The following ANGPTL5 variants were observed in gnomAD, a reference collection of about 807,000 sequenced individuals.
ANGPTL5 encodes angiopoietin-related protein 5.
Under a neutral mutation model 39.4 loss-of-function variants are expected in ANGPTL5, and 34 were observed. The ratio of observed to expected loss-of-function variants is 0.86; its 90% confidence interval spans 0.66 to 1.15. ANGPTL5 has a LOEUF of 1.15. ANGPTL5 is among the 50% of genes most tolerant of loss of function. The probability of loss-of-function intolerance (pLI) is 0.00; values close to 1 mark genes in which losing one functional copy is unlikely to be tolerated. For synonymous variants in ANGPTL5, 146 were observed against 152.1 expected, an observed-to-expected ratio of 0.96 and a Z score of 0.29; for missense variants, 467 against 457.5, an observed-to-expected ratio of 1.02 and a Z score of -0.19.
chr11:101,901,328 T>G (rs1488863952), intron 6 of ANGPTL5, among the ~76,000 whole-genome samples: 2 of 152,060 alleles, frequency 1.3e-5, no homozygotes, highest in African/African-American at 4.8e-5. Context: ...GGGGTGTGTG[T>G]GCACGGCTAA....
chr11:101,893,880 G>T (rs576838567), intron 8 of ANGPTL5, among the ~76,000 whole-genome samples: 30 of 152,190 alleles, frequency 2.0e-4, no homozygotes, highest in African/African-American at 7.2e-4. Context: ...AAGCTGCTCT[G>T]TTTGTCAGCC....
At chr11:101,901,492 C>A (rs1404095962) in intron 6 of ANGPTL5, among the ~76,000 whole-genome samples, 1 of 152,016 alleles carries the variant, frequency 6.6e-6, no homozygotes, top group African/African-American at 2.4e-5. Context: ...CTAAAAGGAC[C>A]TCTGTAGGGC....
intron 1 of ANGPTL5, among the ~76,000 whole-genome samples, chr11:101,912,578 A>G (rs1287169934): frequency 2.6e-5 from 4 of 152,356 alleles, no homozygotes; most frequent in South Asian, 4.1e-4. Context: ...TTAAAGGTCG[A>G]AAAAACCTAT....
At chr11:101,893,066 C>G (rs1311456723) in intron 8 of ANGPTL5, among the ~76,000 whole-genome samples, 1 of 152,168 alleles carries the variant, frequency 6.6e-6, no homozygotes, top group Non-Finnish European at 1.5e-5. Context: ...CATGGATACT[C>G]TCCCTAGATA....
At chr11:101,894,835 T>G (rs1939762573) in intron 8 of ANGPTL5, 44 bp downstream of exon 8, 1 of 1,506,844 alleles carries the variant, frequency 6.6e-7, no homozygotes, top group Admixed American at 1.7e-5. Flanking sequence ...ATGAGTCAGT[T>G]ATAATTTAGA....
intron 1 of ANGPTL5, among the ~76,000 whole-genome samples, chr11:101,914,112 T>C (rs571072867): frequency 6.6e-6 from 1 of 152,348 alleles, no homozygotes; most frequent in Admixed American, 6.5e-5. Flanking sequence ...AGTTTATTAT[T>C]TGAAATCTTA....
At chr11:101,905,998 T>A in intron 3 of ANGPTL5, 151 bp from the exon 4 acceptor site, 1 of 617,802 alleles carries the variant, frequency 1.6e-6, no homozygotes, top group Non-Finnish European at 2.9e-6. Context: ...ATATTTTAGT[T>A]AGTATATCTT....
At chr11:101,892,170 T>C (rs928542271) in intron 8 of ANGPTL5, among the ~76,000 whole-genome samples, 6 of 152,182 alleles carry the variant, frequency 3.9e-5, no homozygotes, top group African/African-American at 9.7e-5. Context: ...TATGGACCAA[T>C]TGGATAGTAG....
chr11:101,900,337 G>T, intron 7 of ANGPTL5, 93 bp downstream of exon 7: 1 of 1,282,404 alleles, frequency 7.8e-7, no homozygotes, highest in Non-Finnish European at 1.1e-6. Context: ...GCAAGCATTT[G>T]CTATTTTTAC....
intron 1 of ANGPTL5, among the ~76,000 whole-genome samples, chr11:101,911,755 G>A (rs186024398): frequency 2.0e-4 from 30 of 152,178 alleles, no homozygotes; most frequent in Admixed American, 1.7e-3. Flanking sequence ...ATAAATTACC[G>A]ACTCTCAGGT....
intron 1 of ANGPTL5, among the ~76,000 whole-genome samples, chr11:101,909,872 T>C (rs1245431085): frequency 6.6e-6 from 1 of 152,220 alleles, no homozygotes; most frequent in Non-Finnish European, 1.5e-5. Context: ...GTATATTTTT[T>C]GTAACAAATA....
intron 3 of ANGPTL5, among the ~76,000 whole-genome samples, 187 bp from the exon 4 acceptor site, chr11:101,906,034 A>C (rs1020206842): frequency 6.6e-6 from 1 of 152,152 alleles, no homozygotes; most frequent in Admixed American, 6.6e-5. Flanking sequence ...TTAACCCCAG[A>C]AATGATTGTC....
chr11:101,910,424 A>AAAAATAT (rs1469724609), intron 1 of ANGPTL5, among the ~76,000 whole-genome samples: 6 of 127,218 alleles, frequency 4.7e-5, no homozygotes, highest in African/African-American at 1.5e-4. Context: ...AAAAAAAAAA[A>AAAAATAT]ATATATATAT....
In ANGPTL5 at chr11:101,900,531, T is replaced by G; in HGVS notation, c.560A>C (p.Tyr187Ser). The G allele has an allele frequency of 6.2e-7, 1 of 1,611,232 alleles. No homozygotes were observed. The highest frequency in any genetic ancestry group is 1.1e-5 in the South Asian group (1 of 91,014). Residue 187 changes from tyrosine to serine, a missense_variant, in exon 7 of 9, where the codon TAC becomes TCC. Physicochemically the swap from Tyr to Ser is moderately radical, Grantham distance 144 (BLOSUM62 -2). Coordinates refer to ENST00000334289, the MANE Select transcript of ANGPTL5 (RefSeq NM_178127.5). ...YPFEVMCDMD[Y>S]RGGGRTVIQK... is the part of the protein sequence containing the mutation. ...TATCACAGTCCGTCCACCTCCTCTG[T>G]AATCCATGTCACACATTACCTAAAA...
intron 8 of ANGPTL5, among the ~76,000 whole-genome samples, chr11:101,892,812 A>T (rs756979525): frequency 6.6e-6 from 1 of 152,246 alleles, no homozygotes; most frequent in Non-Finnish European, 1.5e-5. Context: ...AAAGTTTGGC[A>T]TCTCTTGAGA....
Position 101,902,611 on chromosome 11 carries a change from C to T in ANGPTL5, c.540+10G>A, listed in dbSNP as rs201830213. The T allele has an allele frequency of 3.0e-5, 47 of 1,570,260 alleles. No homozygotes were observed. Among genetic ancestry groups the T allele is most frequent in the African/African-American group, 2.0e-4 (15 of 74,018 alleles). On this transcript the variant is annotated intron_variant, in intron 6 of 8. Transcript: ENST00000334289. ...ACATAATACGGGAAAACTTCAAATA[C>T]GGGAAATACCTCAAATGGGTAGCTA...
At chr11:101,915,464 C>T in intron 1 of ANGPTL5, 1 of 1,566,542 alleles carries the variant, frequency 6.4e-7, no homozygotes, top group South Asian at 1.2e-5. Flanking sequence ...AAACGGGGCC[C>T]ATCTTTTTCC....
At chr11:101,895,172 A>C in intron 7 of ANGPTL5, 108 bp from the exon 8 acceptor site, 2 of 959,188 alleles carry the variant, frequency 2.1e-6, no homozygotes, top group Non-Finnish European at 3.0e-6. Flanking sequence ...GAGATGGCTC[A>C]GATAAGTAAT....
intron 6 of ANGPTL5, among the ~76,000 whole-genome samples, chr11:101,901,318 G>A (rs945425498): frequency 2.0e-5 from 3 of 151,914 alleles, no homozygotes; most frequent in Non-Finnish European, 4.4e-5. Context: ...TGGGGGTGGG[G>A]GGGTGTGTGT....
Sources: allele counts gnomAD v4.1 joint callset (sites outside exome capture counted in the v4.1 genomes callset), GRCh38; gene constraint gnomAD v4.1.1; transcripts MANE v1.5; gene names NCBI Gene and HGNC (gene_info 2026-07-23, HGNC 2026-07-21).